Variants in LNX2 observed in about 807,000 individuals in gnomAD.
The protein encoded by LNX2 is ligand of Numb protein X 2.
Under a neutral mutation model 66.2 loss-of-function variants are expected in LNX2, and 35 were observed. The observed-to-expected ratio is 0.53, with a 90% confidence interval of 0.40 to 0.70. The LOEUF is 0.70. Among genes scored for constraint, LNX2 ranks in the 30% least tolerant of loss-of-function variants. The pLI, the probability that LNX2 is intolerant of heterozygous loss-of-function variation, is 0.00. For missense variants in LNX2, 791 were observed against 850.8 expected, an observed-to-expected ratio of 0.93 and a Z score of 0.87; for synonymous variants, 337 against 315.6, an observed-to-expected ratio of 1.07 and a Z score of -0.72.
At position 27,550,440 on chromosome 13, in the gene LNX2, A is replaced by G. The variant is rs141134795; in HGVS notation, c.1830T>C (p.Ser610=). 1 of 1,614,004 alleles carries G rather than the reference A, an allele frequency of 6.2e-7. No homozygotes were observed. The highest frequency in any genetic ancestry group is 8.5e-7 in the Non-Finnish European group (1 of 1,179,980). ...DIVLRRSYLG[S]WGFSIVGGYE... The stretch of plus-strand genomic sequence containing the variant: ...ATCCACCAACGATACTAAAGCCCCA[A>G]CTTCCCAAGTAACTTCTTCGTAAAA... Residue 610 remains serine (S), a synonymous_variant, in exon 9 of 10, where the codon AGT becomes AGC. Coordinates refer to ENST00000316334, the MANE Select transcript of LNX2 (RefSeq NM_153371.4).
chr13:27,614,757 T>C (rs966593621), intron 1 of LNX2, among the ~76,000 whole-genome samples: 7 of 152,188 alleles, frequency 4.6e-5, no homozygotes, highest in African/African-American at 1.7e-4. Context: ...TATTTATTGG[T>C]CTAAATGATA....
intron 2 of LNX2, among the ~76,000 whole-genome samples, chr13:27,580,418 G>C (rs1955384104): frequency 6.6e-6 from 1 of 152,080 alleles, no homozygotes; most frequent in Non-Finnish European, 1.5e-5. Context: ...AGTATGCATT[G>C]TTTTTCACAG....
chr13:27,598,935 T>C (rs190867109), intron 1 of LNX2, among the ~76,000 whole-genome samples: 1 of 152,306 alleles, frequency 6.6e-6, no homozygotes, highest in East Asian at 1.9e-4. Context: ...TTGCCATCTA[T>C]ATGGGGGCCA....
chr13:27,574,181 G>A (rs1461720329), intron 2 of LNX2, among the ~76,000 whole-genome samples: 2 of 152,140 alleles, frequency 1.3e-5, no homozygotes, highest in Admixed American at 1.3e-4. Context: ...TGCATGGCCG[G>A]GTGCTTTAAT....
Position 27,554,569 on chromosome 13 carries a change from T to C in LNX2, c.1547-1130A>G, listed in dbSNP as rs1273939132. Among the ~76,000 whole-genome samples, 3 of 152,234 alleles carry C rather than the reference T, an allele frequency of 2.0e-5. No individual in the cohort carries two copies. In the East Asian group the frequency reaches 5.8e-4, roughly 29 times the overall value. On this transcript the variant is annotated intron_variant, in intron 7 of 9. Transcript: ENST00000316334. ...CTTGTAATTTGTGCCAGTACTTCAGTCCTTTTCATGGCCAAATCATATTTT... is the reference window on the plus strand; with the variant it reads ...CTTGTAATTTGTGCCAGTACTTCAGCCCTTTTCATGGCCAAATCATATTTT...
chr13:27,606,321 T>C (rs1593264512), intron 1 of LNX2, among the ~76,000 whole-genome samples: 2 of 150,416 alleles, frequency 1.3e-5, no homozygotes, highest in South Asian at 4.2e-4. Flanking sequence ...GATTAATTTT[T>C]ATTGTGTTCA....
chr13:27,548,256 C>CAA lies in LNX2; in HGVS notation c.*77_*78dup. On this transcript the variant is annotated 3_prime_UTR_variant, in exon 10 of 10. Coordinates refer to ENST00000316334, the MANE Select transcript of LNX2 (RefSeq NM_153371.4). ...AGCAGTGTCAGCAGCTCCTAAACCA[C>CAA]AAACACAATGAAACCAAAGGGTTTT... 1 of 1,467,752 alleles carries CAA rather than the reference C, an allele frequency of 6.8e-7. No individual in the cohort carries two copies. Among genetic ancestry groups the CAA allele is most frequent in the Non-Finnish European group, 9.3e-7 (1 of 1,070,250 alleles). 90.9% of individuals were successfully genotyped at this position (1,467,752 alleles called of 1,614,324 possible).
At chr13:27,572,364 T>C (rs932020753) in intron 2 of LNX2, among the ~76,000 whole-genome samples, 2 of 151,932 alleles carry the variant, frequency 1.3e-5, no homozygotes, top group African/African-American at 2.4e-5. Flanking sequence ...ACAAAAACAA[T>C]AGAACAGAAC....
chr13:27,620,003 A>G (rs544031169), intron 1 of LNX2, among the ~76,000 whole-genome samples: 11 of 152,054 alleles, frequency 7.2e-5, no homozygotes, highest in Non-Finnish European at 1.5e-4. Flanking sequence ...ACACAGAGGA[A>G]ATTTAAACAC....
chr13:27,618,986 A>G (rs1384557973), intron 1 of LNX2, among the ~76,000 whole-genome samples: 1 of 152,234 alleles, frequency 6.6e-6, no homozygotes, highest in African/African-American at 2.4e-5. Context: ...CAGTTTCCAA[A>G]TGAGAAAACT....
chr13:27,567,568 C>A, intron 4 of LNX2, 72 bp downstream of exon 4: 2 of 1,337,224 alleles, frequency 1.5e-6, no homozygotes, highest in Non-Finnish European at 2.1e-6. Context: ...CAAAACAGCA[C>A]AATTTTCTAA....
chr13:27,568,357 T>C (rs1231601727), intron 3 of LNX2, among the ~76,000 whole-genome samples: 1 of 152,080 alleles, frequency 6.6e-6, no homozygotes, highest in East Asian at 1.9e-4. Context: ...AGAAAATCAT[T>C]TTTAAAAGGA....
At chr13:27,565,228 T>C (rs1057157931) in intron 4 of LNX2, among the ~76,000 whole-genome samples, 1 of 152,094 alleles carries the variant, frequency 6.6e-6, no homozygotes, top group Non-Finnish European at 1.5e-5. Flanking sequence ...TTCTCTAAAA[T>C]AGAAACAAGC....
intron 1 of LNX2, among the ~76,000 whole-genome samples, chr13:27,614,880 A>G (rs1195298172): frequency 6.6e-6 from 1 of 152,154 alleles, no homozygotes; most frequent in Non-Finnish European, 1.5e-5. Context: ...CTATAAAACA[A>G]AGTGATAGAC....
In LNX2 at chr13:27,589,972, C is replaced by T. The variant is rs184138139; in HGVS notation, c.-100-8169G>A. ...TGGGGCAATTTTTATTTTTTTGAGA[C>T]GGAGTCTCGCTCTGTCACCCAGGCT... On this transcript the variant is annotated intron_variant, in intron 1 of 9. Transcript: ENST00000316334. Among the ~76,000 whole-genome samples the T allele has an allele frequency of 5.4e-3, 826 of 152,228 alleles. 33 individuals are homozygous for T. Among genetic ancestry groups the T allele is most frequent in the Admixed American group, 0.051 (778 of 15,280 alleles).
chr13:27,584,489 C>T (rs1034236624), intron 1 of LNX2, among the ~76,000 whole-genome samples: 1 of 151,368 alleles, frequency 6.6e-6, no homozygotes, highest in Non-Finnish European at 1.5e-5. Context: ...AGGAGTGAGG[C>T]CAGCCTGGCA....
chr13:27,602,332 A>C (rs1004576911), intron 1 of LNX2, among the ~76,000 whole-genome samples: 4 of 152,108 alleles, frequency 2.6e-5, no homozygotes, highest in African/African-American at 9.7e-5. Context: ...TAGAGAACAG[A>C]ATCATTACTC....
At chr13:27,558,275 A>C (rs73446824) in intron 6 of LNX2, among the ~76,000 whole-genome samples, 3,402 of 151,408 alleles carry the variant, frequency 0.022, 138 homozygotes, top group African/African-American at 0.079. Context: ...TAAATAGCTA[A>C]ATGAACACAT....
At chr13:27,567,525 A>C in intron 4 of LNX2, 115 bp downstream of exon 4, 1 of 772,670 alleles carries the variant, frequency 1.3e-6, no homozygotes, top group Non-Finnish European at 2.2e-6. Context: ...GCATATAGAA[A>C]CAGTAAAACT....
Sources: gnomAD v4.1 joint callset for allele counts (sites outside exome capture counted in the v4.1 genomes callset) on GRCh38, gnomAD v4.1.1 for gene constraint, MANE v1.5 for transcripts, NCBI Gene and HGNC (gene_info 2026-07-23, HGNC 2026-07-21) for gene names.